ALPK1: variants seen among roughly 807,000 people sequenced by gnomAD.
ALPK1 encodes alpha-protein kinase 1.
ALPK1 carries 110 observed loss-of-function variants against 120.6 expected under a neutral mutation model. The observed-to-expected ratio is 0.91, with a 90% CI of 0.78 to 1.07. ALPK1 has a LOEUF of 1.07. Among genes scored for constraint, ALPK1 ranks in the 50% least tolerant of loss-of-function variants. The probability of loss-of-function intolerance (pLI) is 0.00; values close to 1 mark genes in which losing one functional copy is unlikely to be tolerated. For synonymous variants in ALPK1, 582 were observed against 560.3 expected, an observed-to-expected ratio of 1.04 and a Z score of -0.55; for missense variants, 1,498 against 1,483.9, an observed-to-expected ratio of 1.01 and a Z score of -0.16.
chr4:112,304,792 G>C (rs1727954957), intron 1 of ALPK1, among the ~76,000 whole-genome samples: 1 of 152,058 alleles, frequency 6.6e-6, no homozygotes, highest in Non-Finnish European at 1.5e-5. Context: ...TTATTCCATT[G>C]CTTTTGGTGT....
rs774832302 is a variant in ALPK1, at chr4:112,431,350, C to T, written c.1803C>T (p.His601=). 6.2e-6 allele frequency: 10 copies of T among 1,614,050 alleles called. No individual in the cohort carries two copies. Among genetic ancestry groups the T allele is most frequent in the African/African-American group, 2.7e-5 (2 of 74,932 alleles). Residue 601 remains histidine, a synonymous_variant, in exon 11 of 16, where the codon CAC becomes CAT. Transcript: ENST00000650871. ...SSASWEEVNY[H]VDDRSARKEP... is the part of the protein sequence containing the mutation. ...CAAGCTGGGAGGAAGTGAATTATCA[C>T]GTTGACGACAGGTCAGCCAGAAAAG...
At chr4:112,389,440 C>A (rs965011) in intron 4 of ALPK1, among the ~76,000 whole-genome samples, 52,628 of 152,144 alleles carry the variant, frequency 0.35, 9,238 homozygotes, top group East Asian at 0.53. Flanking sequence ...ATTCAGGAAC[C>A]TCTGGATCTT....
Position 112,432,108 on chromosome 4 carries a change from A to AG in ALPK1, c.2565dup (p.Gln856AlafsTer18). 2 of 1,614,188 alleles carry AG rather than the reference A, an allele frequency of 1.2e-6. No homozygotes were observed. Among genetic ancestry groups the AG allele is most frequent in the Non-Finnish European group, 1.7e-6 (2 of 1,180,018 alleles). On this transcript the variant is annotated frameshift_variant, in exon 11 of 16. Coordinates refer to ENST00000650871, the MANE Select transcript of ALPK1 (RefSeq NM_025144.4). LOFTEE classifies it high-confidence loss of function. ...CCTGATGCCTCCACAGTGGATGAGGAGGGGCAACTGCTCGACAGCATGGAT... is the reference window on the plus strand; with the variant it reads ...CCTGATGCCTCCACAGTGGATGAGGAGGGGGCAACTGCTCGACAGCATGGAT...
At chr4:112,362,121 G>A (rs754988318) in intron 2 of ALPK1, among the ~76,000 whole-genome samples, 32 of 152,186 alleles carry the variant, frequency 2.1e-4, no homozygotes, top group Non-Finnish European at 3.7e-4. Context: ...CTCTGACATA[G>A]TCTAACCAAA....
chr4:112,426,534 G>C lies in ALPK1; in HGVS notation c.690G>C (p.Pro230=). Residue 230 remains proline (P), a synonymous_variant, in exon 8 of 16, where the codon CCG becomes CCC. Transcript: ENST00000650871. ...SIVGYLALPQ[P]DKKGLSTSLG... ...TAGGATATTTGGCACTTCCTCAGCC[G>C]GATAAAAAGGTGGTTTGTCTAGTGC... 1 of 1,569,580 alleles carries C rather than the reference G, an allele frequency of 6.4e-7. No homozygotes were observed. Among genetic ancestry groups the C allele is most frequent in the Middle Eastern group, 1.7e-4 (1 of 5,844 alleles).
intron 1 of ALPK1, among the ~76,000 whole-genome samples, chr4:112,304,084 C>A (rs1366147532): frequency 2.6e-5 from 4 of 152,156 alleles, no homozygotes; most frequent in Admixed American, 6.5e-5. Flanking sequence ...TGAACTCATC[C>A]TTTTTTATGG....
intron 2 of ALPK1, among the ~76,000 whole-genome samples, chr4:112,376,251 A>C (rs187323342): frequency 1.8e-3 from 270 of 152,360 alleles, no homozygotes; most frequent in African/African-American, 6.2e-3. Context: ...ACTTAAGTGA[A>C]TGCCCTTTCA....
chr4:112,408,980 A>C (rs1391571003), intron 4 of ALPK1, among the ~76,000 whole-genome samples: 1 of 152,226 alleles, frequency 6.6e-6, no homozygotes, highest in African/African-American at 2.4e-5. Flanking sequence ...AATTCCTAGA[A>C]TGGCACTCAT....
chr4:112,423,680 A>G (rs1734102074), intron 5 of ALPK1: 2 of 583,088 alleles, frequency 3.4e-6, no homozygotes, highest in African/African-American at 1.8e-5. Flanking sequence ...ACCCTGCTCT[A>G]TGTGAATGAA....
At chr4:112,367,759 T>A (rs549929318) in intron 2 of ALPK1, among the ~76,000 whole-genome samples, 6 of 152,338 alleles carry the variant, frequency 3.9e-5, no homozygotes, top group African/African-American at 1.2e-4. Flanking sequence ...ATTAGACATA[T>A]GTTAGACCTT....
Position 112,371,210 on chromosome 4 carries a change from T to C in ALPK1, c.-100-6468T>C, listed in dbSNP as rs116105817. 4.8e-3 allele frequency among the ~76,000 whole-genome samples: 735 copies of C among 152,316 alleles called. 10 individuals carry two copies. Among genetic ancestry groups the C allele is most frequent in the African/African-American group, 0.017 (699 of 41,566 alleles). On this transcript the variant is annotated intron_variant, in intron 2 of 15. Transcript: ENST00000650871. ...GTGAATTTTTGCAATTATACCTAAC[T>C]GATCTTCCTGCAGTTACCTCCCGGC...
At chr4:112,348,029 G>A (rs1036489135) in intron 2 of ALPK1, among the ~76,000 whole-genome samples, 11 of 152,082 alleles carry the variant, frequency 7.2e-5, no homozygotes, top group Admixed American at 5.9e-4. Flanking sequence ...GAGTTCTTCC[G>A]CTTGAAGAGG....
chr4:112,440,843 G>GTGTGTA (rs1735006795), intron 14 of ALPK1, 74 bp from the exon 15 acceptor site: 3 of 1,527,570 alleles, frequency 2.0e-6, no homozygotes, highest in Non-Finnish European at 2.6e-6. Flanking sequence ...GTGTGTGTGT[G>GTGTGTA]TATGTATTTT....
chr4:112,332,262 G>A (rs1729415366), intron 2 of ALPK1, among the ~76,000 whole-genome samples: 1 of 152,182 alleles, frequency 6.6e-6, no homozygotes, highest in Non-Finnish European at 1.5e-5. Context: ...TAATTTGCCT[G>A]TATAATACTG....
Position 112,425,711 on chromosome 4 carries a change from G to A in ALPK1, c.582G>A (p.Ser194=), listed in dbSNP as rs148738985. The A allele has an allele frequency of 1.3e-5, 21 of 1,612,962 alleles. No homozygotes were observed. The highest frequency in any genetic ancestry group is 7.7e-5 in the South Asian group (7 of 91,020). ...AAAGTGACAAGGTCCTGGTGCAGTCGGTCTGTATACAGATCAGAGGGCAGA... is the reference window on the plus strand; with the variant it reads ...AAAGTGACAAGGTCCTGGTGCAGTCAGTCTGTATACAGATCAGAGGGCAGA... ...RNESDKVLVQ[S]VCIQIRGQIL... Residue 194 remains serine, a synonymous_variant, in exon 7 of 16, where the codon TCG becomes TCA. Coordinates refer to ENST00000650871, the MANE Select transcript of ALPK1 (RefSeq NM_025144.4).
chr4:112,408,036 G>C (rs1044979038), intron 4 of ALPK1, among the ~76,000 whole-genome samples: 1 of 152,066 alleles, frequency 6.6e-6, no homozygotes, highest in Non-Finnish European at 1.5e-5. Flanking sequence ...GAATCCGAGA[G>C]GCAGAGGTTG....
intron 4 of ALPK1, among the ~76,000 whole-genome samples, chr4:112,403,166 C>T (rs1732999130): frequency 1.3e-5 from 2 of 152,094 alleles, no homozygotes; most frequent in Admixed American, 6.5e-5. Context: ...CAGTTTGGCC[C>T]TCTTTCATTT....
intron 2 of ALPK1, among the ~76,000 whole-genome samples, chr4:112,320,552 A>C (rs955787242): frequency 6.6e-6 from 1 of 152,014 alleles, no homozygotes; most frequent in Non-Finnish European, 1.5e-5. Flanking sequence ...GATGATATTG[A>C]CTTTATAGAA....
intron 4 of ALPK1, among the ~76,000 whole-genome samples, chr4:112,401,104 G>A (rs1027084794): frequency 9.9e-5 from 15 of 152,162 alleles, no homozygotes; most frequent in South Asian, 2.1e-4. Flanking sequence ...CCATCTGGGC[G>A]TCTGGACTTT....
Sources: gnomAD v4.1 joint callset for allele counts (sites outside exome capture counted in the v4.1 genomes callset) on GRCh38, gnomAD v4.1.1 for gene constraint, MANE v1.5 for transcripts, NCBI Gene and HGNC (gene_info 2026-07-23, HGNC 2026-07-21) for gene names.